Variants in HLA-C observed in about 807,000 individuals in gnomAD.
HLA-C encodes major histocompatibility complex, class I, C, also known as HLA class I histocompatibility antigen, C alpha chain.
Under a neutral mutation model 36.9 loss-of-function variants are expected in HLA-C, and 15 were observed. That is an observed-to-expected ratio of 0.41 (90% CI 0.27 to 0.63). The LOEUF is 0.63. Among genes scored for constraint, HLA-C ranks in the 20% least tolerant of loss-of-function variants. The probability of loss-of-function intolerance (pLI) is 0.35; values close to 1 mark genes in which losing one functional copy is unlikely to be tolerated. For missense variants in HLA-C, 272 were observed against 400.4 expected (o/e 0.68, Z 2.74); for synonymous variants, 104 against 174.3 (o/e 0.60, Z 3.18).
In HLA-C at chr6:31,271,965, G is replaced by A. The variant is rs41553018; in HGVS notation, c.73+34C>T. The A allele has an allele frequency of 2.4e-4, 261 of 1,066,518 alleles. 56 individuals are homozygous for A. The highest frequency in any genetic ancestry group is 8.6e-4 in the East Asian group (23 of 26,900). The allele number at this position is 1,066,518 out of a possible 1,614,324, so 66.1% of individuals were successfully genotyped here. A position where few individuals can be genotyped will look rare whatever the true frequency, so the allele number is the denominator to read the frequency against. ...CCGGGAGGGCCCCTCGCTCCTCTCC[G>A]CAGAGGCCGCTTCCCTCCCAACCCC... On this transcript the variant is annotated intron_variant, in intron 1 of 7. Transcript: ENST00000376228.
At chr6:31,271,923 C>G (rs1188298230) in intron 1 of HLA-C, 55 bp from the exon 2 acceptor site, 3 of 1,157,052 alleles carry the variant, frequency 2.6e-6, no homozygotes, top group East Asian at 3.7e-5. Context: ...CGCGGCTCCC[C>G]GGGTCCTGCG....
At position 31,271,376 on chromosome 6, in the gene HLA-C, T is replaced by TC. The variant is rs748848793; in HGVS notation, c.344-29dup. The TC allele has an allele frequency of 6.3e-4, 550 of 867,036 alleles. 22 individuals are homozygous for TC. The highest frequency in any genetic ancestry group is 1.5e-3 in the Middle Eastern group (3 of 1,954). The allele number at this position is 867,036 out of a possible 1,614,324, so 53.7% of individuals were successfully genotyped here. Reference sequence around the variant, plus strand: ...GGCCCCGCCCCCGCGGTCAGCCCAGTCCCCCGAGCCCCGCCCCGCCCCGAC... The same window carrying TC: ...GGCCCCGCCCCCGCGGTCAGCCCAGTCCCCCCGAGCCCCGCCCCGCCCCGAC... On this transcript the variant is annotated intron_variant, in intron 2 of 7. Coordinates refer to ENST00000376228, the Ensembl canonical transcript of HLA-C.
At chr6:31,268,997 C>T (rs906612175) in exon 8 of HLA-C, 1 of 696,192 alleles carries the variant, frequency 1.4e-6, no homozygotes, top group Admixed American at 2.1e-5. Flanking sequence ...AGTGTGGGGA[C>T]AGGGGTCACG....
At chr6:31,269,113 TCA>T in exon 8 of HLA-C, 1 of 1,329,068 alleles carries the variant, frequency 7.5e-7, no homozygotes, top group Non-Finnish European at 1.1e-6. Context: ...GCTCTTGAAG[TCA>T]CAAAGGAGAG....
exon 8 of HLA-C, chr6:31,269,015 C>G (rs1340538575): frequency 1.4e-6 from 1 of 699,588 alleles, no homozygotes; most frequent in Admixed American, 2.1e-5. Context: ...ACGGTGGACA[C>G]GGGGGTGGGC....
Position 31,269,859 on chromosome 6 carries a change from T to G in HLA-C, c.1015+107A>C, listed in dbSNP as rs41541318. The G allele has an allele frequency of 1.0e-4, 50 of 499,992 alleles. 4 individuals are homozygous for G. Among genetic ancestry groups the G allele is most frequent in the Admixed American group, 6.3e-4 (12 of 19,040 alleles). The allele number at this position is 499,992 out of a possible 1,614,324, so 31.0% of individuals were successfully genotyped here. On this transcript the variant is annotated intron_variant, in intron 5 of 7. Coordinates refer to ENST00000376228, the Ensembl canonical transcript of HLA-C. ...CAGGGTCCCAGGCTGGGATGGCCCA[T>G]GTGTGGATGGTGCTTCCAGTAACAA... is the stretch of plus-strand genomic sequence containing the variant.
In HLA-C at chr6:31,272,049, G is replaced by T. The variant is rs755610458; in HGVS notation, c.23C>A (p.Ala8Asp). 120 of 1,027,698 alleles carry T rather than the reference G, an allele frequency of 1.2e-4. 1 individual carries two copies. The highest frequency in any genetic ancestry group is 9.1e-5 in the Non-Finnish European group (70 of 766,332). 63.7% of individuals were successfully genotyped at this position (1,027,698 alleles called of 1,614,324 possible). Residue 8 changes from alanine (A) to aspartate (D), a missense_variant, in exon 1 of 8, where the codon GCC (alanine) becomes GAC (aspartate). Coordinates refer to ENST00000376228, the Ensembl canonical transcript of HLA-C. The stretch of plus-strand genomic sequence containing the variant: ...GCCTCCCGAGAGCAGCAGGAGGAGG[G>T]CTCGGGGCGCCATGACCCGCATCTC...
chr6:31,271,556 TG>T, intron 2 of HLA-C, 42 bp downstream of exon 2: 1 of 1,104,728 alleles, frequency 9.1e-7, no homozygotes, highest in Non-Finnish European at 1.2e-6. Context: ...CCGTGGGGGA[TG>T]GGGAGGGGTC....
At chr6:31,268,945 C>T (rs1094) in exon 8 of HLA-C, 250,293 of 397,518 alleles carry the variant, frequency 0.63, 81,121 homozygotes, top group East Asian at 0.81. Context: ...CCAGCCCCAC[C>T]TCTCTGGAAC....
intron 1 of HLA-C, 45 bp downstream of exon 1, chr6:31,271,954 C>G: frequency 9.2e-7 from 1 of 1,090,164 alleles, no homozygotes; most frequent in Non-Finnish European, 1.2e-6. Flanking sequence ...GAGGGCCCCT[C>G]GCTCCTCTCC....
In HLA-C at chr6:31,271,829, C is replaced by T. The variant is rs72558134; in HGVS notation, c.113G>A (p.Arg38Gln). The change falls in exon 2 of 8, where the codon CGG becomes CAG. Residue 38 changes from arginine (R) to glutamine (Q), a missense_variant. By Grantham distance (43) the Arg-to-Gln change is conservative (BLOSUM62 1). Around this residue, in one of 8 missense-constraint regions of HLA-C, gnomAD observed 20 missense variants for 66.0 expected, o/e 0.30. Transcript: ENST00000376228. ...GAAGCGGGGCTCTCCGCGGCCGGGC[C>T]GGGACACGGCGGTGTCGAAATACCT... 7.6e-6 allele frequency: 10 copies of T among 1,321,918 alleles called. 1 individual carries two copies. Among genetic ancestry groups the T allele is most frequent in the Non-Finnish European group, 9.1e-6 (9 of 986,570 alleles). The allele number at this position is 1,321,918 out of a possible 1,614,324, so 81.9% of individuals were successfully genotyped here. A position where few individuals can be genotyped will look rare whatever the true frequency, so the allele number is the denominator to read the frequency against.
exon 3 of HLA-C, chr6:31,271,206 G>C (rs2308585): frequency 0.13 from 126,911 of 973,066 alleles, 48,195 homozygotes; most frequent in South Asian, 0.35. Flanking sequence ...TCTGAGCCGC[G>C]GTGTCCGCGG....
rs1562020386 is a variant in HLA-C at position 31,269,179 on chromosome 6, G to C, written c.1097-6C>G. The C allele has an allele frequency of 6.7e-7, 1 of 1,484,606 alleles. No individual in the cohort carries two copies. Among genetic ancestry groups the C allele is most frequent in the South Asian group, 1.2e-5 (1 of 85,932 alleles). 92.0% of individuals were successfully genotyped at this position (1,484,606 alleles called of 1,614,324 possible). On this transcript the variant is annotated splice_region_variant and splice_polypyrimidine_tract_variant and intron_variant, in intron 7 of 7. Transcript: ENST00000376228. ...ACACAGGCAGCTGTCTCAGGCTACA[G>C]AACACAATAGTCATGAACAAATTCA...
At position 31,271,238 on chromosome 6, in the gene HLA-C, C is replaced by A. The variant is rs281860484; in HGVS notation, c.454G>T (p.Glu152Ter). Residue 152 changes from glutamate (E) to a stop codon, truncating the protein, a stop_gained, in exon 3 of 8, where the codon GAG (glutamate) becomes TAG (stop). Transcript: ENST00000376228. LOFTEE classifies it high-confidence loss of function. ...GCGGCGGTCCAGGAGCGCAGGTCCT[C>A]GTTCAGGGCGATGTAATCCTTGCCG... 2.5e-6 allele frequency: 3 copies of A among 1,204,376 alleles called. No homozygotes were observed. The highest frequency in any genetic ancestry group is 2.6e-5 in the African/African-American group (1 of 38,066). The allele number at this position is 1,204,376 out of a possible 1,614,324, so 74.6% of individuals were successfully genotyped here.
exon 8 of HLA-C, chr6:31,269,035 A>G: frequency 1.4e-6 from 1 of 717,188 alleles, no homozygotes; most frequent in Non-Finnish European, 2.5e-6. Flanking sequence ...CTGTCTCTCC[A>G]CCTCCTCACA....
chr6:31,271,798 T>TTCATCGCAGTGG, exon 2 of HLA-C: 1 of 1,388,494 alleles, frequency 7.2e-7, no homozygotes, highest in Non-Finnish European at 9.7e-7. Flanking sequence ...CGTAGCCCAC[T>TTCATCGCAGTGG]GAGATGAAGC....
chr6:31,271,601 T>C (rs1131123), exon 2 of HLA-C: 1 of 1,139,936 alleles, frequency 8.8e-7, no homozygotes, highest in Non-Finnish European at 1.2e-6. Context: ...TCACTCACCG[T>C]CCTCGCTCTG....
At chr6:31,268,973 A>G in exon 8 of HLA-C, 1 of 583,062 alleles carries the variant, frequency 1.7e-6, no homozygotes, top group South Asian at 2.1e-5. Context: ...ATGATCGGGG[A>G]GGGAACACAG....
chr6:31,269,044 C>T (rs1049668), exon 8 of HLA-C: 8,880 of 726,834 alleles, frequency 0.012, 166 homozygotes, highest in African/African-American at 0.069. Flanking sequence ...CACCTCCTCA[C>T]ATTATGCTAA....
Sources: allele counts gnomAD v4.1 joint callset, GRCh38; gene constraint gnomAD v4.1.1; regional missense constraint gnomAD v4.1.1; transcripts MANE v1.5; gene names NCBI Gene and HGNC (gene_info 2026-07-23, HGNC 2026-07-21).